PDZD2: variants seen among roughly 807,000 people sequenced by gnomAD.
The protein encoded by PDZD2 is PDZ domain-containing protein 2.
Under a neutral mutation model 220.7 loss-of-function variants are expected in PDZD2, and 90 were observed. The ratio of observed to expected loss-of-function variants is 0.41; its 90% CI spans 0.34 to 0.49. The LOEUF is 0.49. PDZD2 is among the 20% of genes least tolerant of loss of function. PDZD2 has a pLI of 0.28. For missense variants in PDZD2, 3,174 were observed against 3,608.5 expected (o/e 0.88, Z 3.08); for synonymous variants, 1,375 against 1,450.5 (o/e 0.95, Z 1.18).
chr5:31,826,738 T>G (rs573084368), intron 2 of PDZD2, among the ~76,000 whole-genome samples: 2 of 152,260 alleles, frequency 1.3e-5, no homozygotes, highest in Admixed American at 1.3e-4. Context: ...ATTAAAACAT[T>G]TATCAGATAT....
intron 6 of PDZD2, among the ~76,000 whole-genome samples, chr5:32,013,849 C>A (rs1157710654): frequency 1.3e-5 from 2 of 152,140 alleles, no homozygotes; most frequent in Non-Finnish European, 2.9e-5. Context: ...GGCTTCATGC[C>A]TGGCCATCAC....
At chr5:31,914,730 A>G (rs1309428080) in intron 2 of PDZD2, among the ~76,000 whole-genome samples, 3 of 152,246 alleles carry the variant, frequency 2.0e-5, no homozygotes, top group African/African-American at 7.2e-5. Context: ...ACAATAATTC[A>G]GTGACAAAGA....
At chr5:31,791,084 C>T (rs1431803034) in intron 1 of PDZD2, among the ~76,000 whole-genome samples, 1 of 152,088 alleles carries the variant, frequency 6.6e-6, no homozygotes, top group Non-Finnish European at 1.5e-5. Context: ...ACATTTTTGC[C>T]AGCAGACTTA....
chr5:31,683,625 T>G (rs1172252230), intron 1 of PDZD2, among the ~76,000 whole-genome samples: 1 of 152,238 alleles, frequency 6.6e-6, no homozygotes, highest in Non-Finnish European at 1.5e-5. Flanking sequence ...GATAGTTTGA[T>G]ATCAGCTCAT....
chr5:31,883,023 CAAAAAAAAAAAAAAAAA>C (rs781370177), intron 2 of PDZD2, among the ~76,000 whole-genome samples: 1 of 47,950 alleles, frequency 2.1e-5, no homozygotes, highest in African/African-American at 7.6e-5. Context: ...GACTCTGTCT[CAAAAAAAAAAAAAAAAA>C]AAAAAAAAGG....
chr5:32,043,716 C>T (rs1181100597), intron 7 of PDZD2, among the ~76,000 whole-genome samples: 1 of 152,194 alleles, frequency 6.6e-6, no homozygotes, highest in Non-Finnish European at 1.5e-5. Flanking sequence ...CAACCTCCGC[C>T]TCCCAGGTAC....
chr5:31,644,610 C>T (rs933320041), intron 1 of PDZD2, among the ~76,000 whole-genome samples: 2 of 152,176 alleles, frequency 1.3e-5, no homozygotes, highest in Non-Finnish European at 2.9e-5. Flanking sequence ...GGCCTACCCC[C>T]GGCCGTGGCT....
rs1056421555 is a variant in PDZD2, at chr5:31,646,045, C to T, written c.-361+6608C>T. ...GAGGGTGTCAGGGAGCTTTGCACTGCGGGGGGGCCTTCTCACTACTGTCAC... is the reference window on the plus strand; with the variant it reads ...GAGGGTGTCAGGGAGCTTTGCACTGTGGGGGGGCCTTCTCACTACTGTCAC... On this transcript the variant is annotated intron_variant, in intron 1 of 24. Coordinates refer to ENST00000438447, the MANE Select transcript of PDZD2 (RefSeq NM_178140.4). This position sits in a 1 kb window ranked among gnomAD's most constrained non-coding sequence, Gnocchi z 4.7. 3.3e-4 allele frequency among the ~76,000 whole-genome samples: 50 copies of T among 151,692 alleles called. No homozygotes were observed. Among genetic ancestry groups the T allele is most frequent in the African/African-American group, 1.2e-3 (50 of 41,274 alleles).
intron 2 of PDZD2, among the ~76,000 whole-genome samples, chr5:31,963,583 A>G (rs1237478158): frequency 6.6e-6 from 1 of 152,182 alleles, no homozygotes; most frequent in Non-Finnish European, 1.5e-5. Context: ...CCTCGCTGGG[A>G]TGGGCAGCCT....
At chr5:31,813,717 G>T (rs565191292) in intron 2 of PDZD2, among the ~76,000 whole-genome samples, 9 of 152,170 alleles carry the variant, frequency 5.9e-5, no homozygotes, top group Non-Finnish European at 1.3e-4. Context: ...AAAATAAAAC[G>T]CACGGTTTTG....
chr5:31,666,403 T>TAA (rs1301730125), intron 1 of PDZD2, among the ~76,000 whole-genome samples: 4 of 152,212 alleles, frequency 2.6e-5, no homozygotes, highest in African/African-American at 9.6e-5. Flanking sequence ...ATCTCCTTAT[T>TAA]AAAAAAATAT....
intron 2 of PDZD2, among the ~76,000 whole-genome samples, chr5:31,903,904 A>G (rs1230843515): frequency 6.6e-6 from 1 of 151,916 alleles, no homozygotes; most frequent in Non-Finnish European, 1.5e-5. Context: ...TTGTATTTTT[A>G]GTAGAGACGG....
intron 5 of PDZD2, among the ~76,000 whole-genome samples, chr5:32,004,322 C>T (rs1752641203): frequency 2.0e-5 from 3 of 152,146 alleles, no homozygotes; most frequent in African/African-American, 7.2e-5. Context: ...CATGGTGGCT[C>T]ATGCCTGTAA....
At chr5:31,689,318 CACATATATAT>C (rs1305162741) in intron 1 of PDZD2, among the ~76,000 whole-genome samples, 1 of 103,412 alleles carries the variant, frequency 9.7e-6, no homozygotes, top group East Asian at 3.2e-4. Context: ...CATACATATA[CACATATATAT>C]ACATATACAT....
At chr5:31,663,749 C>T (rs1051560007) in intron 1 of PDZD2, among the ~76,000 whole-genome samples, 1 of 152,146 alleles carries the variant, frequency 6.6e-6, no homozygotes, top group African/African-American at 2.4e-5. Flanking sequence ...GGAACAGAAC[C>T]TTGAAAGGGT....
intron 12 of PDZD2, 128 bp from the exon 13 acceptor site, chr5:32,059,111 G>T (rs2112335865): frequency 1.7e-6 from 1 of 591,862 alleles, no homozygotes; most frequent in South Asian, 2.1e-5. Context: ...TTTACATTCT[G>T]AGTCTGGACC....
intron 2 of PDZD2, among the ~76,000 whole-genome samples, chr5:31,888,194 C>T (rs1441170847): frequency 6.6e-6 from 1 of 151,360 alleles, no homozygotes; most frequent in Non-Finnish European, 1.5e-5. Flanking sequence ...TCTCTTTTCT[C>T]TTTCCTTCCT....
chr5:31,967,992 A>G (rs1184835247), intron 2 of PDZD2, among the ~76,000 whole-genome samples: 2 of 152,240 alleles, frequency 1.3e-5, no homozygotes, highest in Non-Finnish European at 1.5e-5. Flanking sequence ...ATTAGCATAC[A>G]CAACTGCTAT....
intron 5 of PDZD2, among the ~76,000 whole-genome samples, chr5:32,003,427 C>CA (rs1561318771): frequency 2.7e-5 from 3 of 110,498 alleles, no homozygotes; most frequent in Non-Finnish European, 3.7e-5. Context: ...CACACCCCCC[C>CA]CACACACACC....
Sources: gnomAD v4.1 joint callset for allele counts (sites outside exome capture counted in the v4.1 genomes callset) on GRCh38, gnomAD v4.1.1 for gene constraint, Gnocchi (gnomAD v3.1) non-coding constraint, MANE v1.5 for transcripts, NCBI Gene and HGNC (gene_info 2026-07-23, HGNC 2026-07-21) for gene names.